Variants in CDH15 observed in about 807,000 individuals in gnomAD.
CDH15 encodes the protein cadherin 15, also known as cadherin-15.
Under a neutral mutation model 69.4 loss-of-function variants are expected in CDH15, and 73 were observed. The ratio of observed to expected loss-of-function variants is 1.05; its 90% CI spans 0.87 to 1.28. The LOEUF is 1.28. Among genes scored for constraint, CDH15 ranks in the 50% most tolerant of loss-of-function variants. CDH15 has a pLI of 0.00. For synonymous variants in CDH15, 624 were observed against 507.7 expected (o/e 1.23, Z -3.08); for missense variants, 1,343 against 1,133.6 (o/e 1.18, Z -2.65).
In CDH15 at chr16:89,193,497, C is replaced by T; in HGVS notation, c.1883C>T (p.Ala628Val). The change falls in exon 12 of 14, where the codon GCG (alanine) becomes GTG (valine). Residue 628 changes from alanine to valine, a missense_variant. Transcript: ENST00000289746. ...LVLVLLVALR[A>V]RFWKQSRGKG... ...CTGGTCCTGCTCGTGGCACTCCGGGCGCGGTTCTGGAAGCAGTCTCGGGGC... is the reference window on the plus strand; with the variant it reads ...CTGGTCCTGCTCGTGGCACTCCGGGTGCGGTTCTGGAAGCAGTCTCGGGGC... The T allele has an allele frequency of 1.2e-6, 2 of 1,611,704 alleles. No individual in the cohort carries two copies. The highest frequency in any genetic ancestry group is 1.7e-6 in the Non-Finnish European group (2 of 1,179,660).
intron 5 of CDH15, 60 bp from the exon 6 acceptor site, chr16:89,187,369 C>T (rs532770273): frequency 4.7e-5 from 76 of 1,603,730 alleles, no homozygotes; most frequent in Non-Finnish European, 6.4e-5. Context: ...CCACCCCTGA[C>T]CAGTCCCCAT....
rs948318008 is a variant in CDH15 at position 89,192,467 on chromosome 16, C to T, written c.1855+23C>T. 1.1e-5 allele frequency: 17 copies of T among 1,563,328 alleles called. No homozygotes were observed. In the African/African-American group the frequency reaches 1.8e-4, roughly 16 times the overall value. On this transcript the variant is annotated intron_variant, in intron 11 of 13. Transcript: ENST00000289746. ...TGGGTGAGTGAGCGCCCCGCCTCCA[C>T]CTGGACCCTCGGACCCTCGGACCCT...
At chr16:89,194,063 G>A (rs1915729776) in intron 13 of CDH15, 150 bp downstream of exon 13, 15 of 977,392 alleles carry the variant, frequency 1.5e-5, no homozygotes, top group South Asian at 9.4e-5. Context: ...GATGGTGTGC[G>A]GGCGGGAGTG....
chr16:89,189,557 C>T (rs1347179869), intron 7 of CDH15, among the ~76,000 whole-genome samples: 1 of 152,246 alleles, frequency 6.6e-6, no homozygotes, highest in African/African-American at 2.4e-5. Context: ...CCACGCTACC[C>T]ATGGGGCTTG....
At chr16:89,193,147 AC>A (rs1259641820) in intron 11 of CDH15, among the ~76,000 whole-genome samples, 3 of 46,022 alleles carry the variant, frequency 6.5e-5, no homozygotes, top group Non-Finnish European at 8.1e-5. Context: ...ATTACCAGCC[AC>A]GCCGCTTCCA....
chr16:89,190,276 C>T lies in CDH15; in HGVS notation c.1012C>T (p.Leu338Phe), dbSNP rs757725115. The T allele has an allele frequency of 6.2e-7, 1 of 1,612,754 alleles. No individual in the cohort carries two copies. The highest frequency in any genetic ancestry group is 8.5e-7 in the Non-Finnish European group (1 of 1,179,906). The change falls in exon 8 of 14, where the codon CTC becomes TTC. Residue 338 changes from leucine to phenylalanine, a missense_variant. By Grantham distance (22) the Leu-to-Phe change is conservative. Coordinates refer to ENST00000289746, the MANE Select transcript of CDH15 (RefSeq NM_004933.3). The part of the protein sequence containing the change: ...LDYESCEHYE[L>F]KVSVQNEAPL... ...CTATGAGAGCTGTGAACACTACGAA[C>T]TCAAAGTGTCGGTGCAGAATGAGGC...
At chr16:89,180,638 C>T (rs1915355265) in intron 3 of CDH15, among the ~76,000 whole-genome samples, 1 of 152,264 alleles carries the variant, frequency 6.6e-6, no homozygotes, top group Non-Finnish European at 1.5e-5. Flanking sequence ...GCTGCAGCCG[C>T]TGTAGCTTCT....
chr16:89,174,645 C>T (rs555412135), intron 1 of CDH15, among the ~76,000 whole-genome samples: 1 of 152,230 alleles, frequency 6.6e-6, no homozygotes, highest in African/African-American at 2.4e-5. Flanking sequence ...GGCGGTGGCC[C>T]CAGACGTCTC....
intron 11 of CDH15, among the ~76,000 whole-genome samples, chr16:89,193,148 C>T (rs1251400545): frequency 1.1e-5 from 1 of 94,688 alleles, no homozygotes; most frequent in Admixed American, 1.0e-4. Context: ...TTACCAGCCA[C>T]GCCGCTTCCA....
Position 89,185,089 on chromosome 16 carries a change from A to G in CDH15, c.503-84A>G, listed in dbSNP as rs567654383. ...TGCTGGAACCGGGGAGCCTGTGCAC[A>G]CGAGGTGCCCCCACGCCCCTCACAA... On this transcript the variant is annotated intron_variant, in intron 4 of 13. Transcript: ENST00000289746. 7 of 1,332,134 alleles carry G rather than the reference A, an allele frequency of 5.3e-6. No individual in the cohort carries two copies. In the African/African-American group the frequency reaches 7.2e-5, roughly 14 times the overall value. 82.5% of individuals were successfully genotyped at this position (1,332,134 alleles called of 1,614,324 possible). A position where few individuals can be genotyped will look rare whatever the true frequency, so the allele number is the denominator to read the frequency against.
intron 3 of CDH15, chr16:89,182,893 T>C (rs112282484): frequency 0.19 from 28,517 of 152,140 alleles, 2,731 homozygotes; most frequent in South Asian, 0.23. Context: ...GGAATTAAAC[T>C]TCAGGAGGAG....
rs1381235850 is a variant in CDH15, at chr16:89,180,065, A to G, written c.202-135A>G. The G allele has an allele frequency of 5.3e-6, 5 of 949,506 alleles. No individual in the cohort carries two copies. In the East Asian group the frequency reaches 1.3e-4, roughly 25 times the overall value. 58.8% of individuals were successfully genotyped at this position (949,506 alleles called of 1,614,324 possible). A position where few individuals can be genotyped will look rare whatever the true frequency, so the allele number is the denominator to read the frequency against. On this transcript the variant is annotated intron_variant, in intron 2 of 13. Transcript: ENST00000289746. Reference sequence around the variant, plus strand: ...AGCCCAGCACAGCTCCTCATTGGGTACCAGGATCCGTCCTCCAGTCCTAGG... The same window carrying G: ...AGCCCAGCACAGCTCCTCATTGGGTGCCAGGATCCGTCCTCCAGTCCTAGG...
chr16:89,190,455 C>G lies in CDH15; in HGVS notation c.1191C>G (p.Phe397Leu), dbSNP rs1261924530. Residue 397 changes from phenylalanine to leucine, a missense_variant, in exon 8 of 14, where the codon TTC becomes TTG. Coordinates refer to ENST00000289746, the MANE Select transcript of CDH15 (RefSeq NM_004933.3). ...CCCCAGGCACTCTGGTGGCCACCTT[C>G]TCTGCCCGGGACCCTGACACAGAGC... ...GAPPGTLVATFSARDPDTEQL... is the reference protein window; with the variant it reads ...GAPPGTLVATLSARDPDTEQL... 1 of 1,603,548 alleles carries G rather than the reference C, an allele frequency of 6.2e-7. No individual in the cohort carries two copies.
chr16:89,188,912 CCA>C (rs1156520588), intron 7 of CDH15, among the ~76,000 whole-genome samples: 2 of 136,908 alleles, frequency 1.5e-5, no homozygotes, highest in Non-Finnish European at 3.2e-5. Context: ...ACACACATGC[CCA>C]CACACAGGTG....
intron 4 of CDH15, 32 bp downstream of exon 4, chr16:89,183,724 G>A (rs752336957): frequency 1.3e-6 from 2 of 1,565,314 alleles, no homozygotes; most frequent in East Asian, 4.7e-5. Context: ...GGGCCGGGAG[G>A]GGCTGCAAGG....
chr16:89,181,675 C>T (rs1915379918), intron 3 of CDH15, among the ~76,000 whole-genome samples: 2 of 151,766 alleles, frequency 1.3e-5, no homozygotes, highest in South Asian at 4.2e-4. Flanking sequence ...TGCGGTGGCT[C>T]ACGCCTGTAA....
chr16:89,193,304 G>C (rs1915700549), intron 11 of CDH15, among the ~76,000 whole-genome samples, 166 bp from the exon 12 acceptor site: 1 of 138,368 alleles, frequency 7.2e-6, no homozygotes, highest in Non-Finnish European at 1.6e-5. Flanking sequence ...CCCAACCCCG[G>C]CTCCTCCATG....
rs1008154504 is a variant in CDH15 at position 89,177,758 on chromosome 16, C to T, written c.43-1658C>T. On this transcript the variant is annotated intron_variant, in intron 1 of 13. Transcript: ENST00000289746. ...GGAGCTCGAGGGTGACCCCCATGTCCGTGCCGAGCCGAGTGGGGTCAGCCC... is the reference window on the plus strand; with the variant it reads ...GGAGCTCGAGGGTGACCCCCATGTCTGTGCCGAGCCGAGTGGGGTCAGCCC... Among the ~76,000 whole-genome samples, 23 of 152,188 alleles carry T rather than the reference C, an allele frequency of 1.5e-4. 1 individual carries two copies. Among genetic ancestry groups the T allele is most frequent in the African/African-American group, 5.3e-4 (22 of 41,440 alleles).
At position 89,186,765 on chromosome 16, in the gene CDH15, T is replaced by C. The variant is rs373446198; in HGVS notation, c.664-664T>C. Among the ~76,000 whole-genome samples, 290 of 123,012 alleles carry C rather than the reference T, an allele frequency of 2.4e-3. 3 individuals carry two copies. The highest frequency in any genetic ancestry group is 0.014 in the East Asian group (54 of 3,738). The allele number at this position is 123,012 out of a possible 152,430, so 80.7% of individuals were successfully genotyped here. Reference sequence around the variant, plus strand: ...GCACAGAAGGTGCTCTGTAAACGCTTACCCAGAGCACAGTAGGTGCTCTGT... The same window carrying C: ...GCACAGAAGGTGCTCTGTAAACGCTCACCCAGAGCACAGTAGGTGCTCTGT... On this transcript the variant is annotated intron_variant, in intron 5 of 13. Coordinates refer to ENST00000289746, the MANE Select transcript of CDH15 (RefSeq NM_004933.3).
Sources: gnomAD v4.1 joint callset for allele counts (sites outside exome capture counted in the v4.1 genomes callset) on GRCh38, gnomAD v4.1.1 for gene constraint, MANE v1.5 for transcripts, NCBI Gene and HGNC (gene_info 2026-07-23, HGNC 2026-07-21) for gene names.